The following CADPS variants were observed in gnomAD, a reference collection of about 807,000 sequenced individuals.
CADPS encodes calcium dependent secretion activator, also known as calcium-dependent secretion activator 1.
CADPS carries 57 observed loss-of-function variants against 167.3 expected under a neutral mutation model. The ratio of observed to expected loss-of-function variants is 0.34; its 90% confidence interval spans 0.28 to 0.42. CADPS has a LOEUF of 0.42. Ranked by LOEUF, CADPS falls within the 20% of genes least tolerant of loss-of-function variation. The pLI, the probability that CADPS is intolerant of heterozygous loss-of-function variation, is 1.00. For synonymous variants in CADPS, 676 were observed against 635.3 expected, an observed-to-expected ratio of 1.06 and a Z score of -0.96; for missense variants, 1,414 against 1,738.1, an observed-to-expected ratio of 0.81 and a Z score of 3.32.
chr3:62,577,238 G>T (rs931048392), intron 8 of CADPS, among the ~76,000 whole-genome samples: 3 of 151,974 alleles, frequency 2.0e-5, no homozygotes, highest in African/African-American at 7.3e-5. Flanking sequence ...TCTCTCATAT[G>T]GTATTTGTGA....
rs934769101 is a variant in CADPS at position 62,642,977 on chromosome 3, A to G, written c.1325+2745T>C. 3.9e-5 allele frequency among the ~76,000 whole-genome samples: 6 copies of G among 152,256 alleles called. No homozygotes were observed. The East Asian group carries it at 1.2e-3, about 29-fold the overall frequency. On this transcript the variant is annotated intron_variant, in intron 6 of 29. Transcript: ENST00000383710. Reference sequence around the variant, plus strand: ...CAAAACAAAACCCAAACCTCAAAACAAAACAAAACAAAACCACTTGGAGGT... The same window carrying G: ...CAAAACAAAACCCAAACCTCAAAACGAAACAAAACAAAACCACTTGGAGGT...
At chr3:62,461,873 G>A (rs1560692524) in intron 26 of CADPS, among the ~76,000 whole-genome samples, 1 of 152,186 alleles carries the variant, frequency 6.6e-6, no homozygotes, top group African/African-American at 2.4e-5. Flanking sequence ...AAAGGGCCGA[G>A]AACACACCTT....
In CADPS at chr3:62,481,739, C is replaced by A; in HGVS notation, c.3157G>T (p.Ala1053Ser). 1 of 1,603,160 alleles carries A rather than the reference C, an allele frequency of 6.2e-7. No individual in the cohort carries two copies. The highest frequency in any genetic ancestry group is 8.5e-7 in the Non-Finnish European group (1 of 1,176,884). The change falls in exon 22 of 30, where the codon GCT becomes TCT. Residue 1053 changes from alanine (A) to serine (S), a missense_variant. Coordinates refer to ENST00000383710, the MANE Select transcript of CADPS (RefSeq NM_003716.4). ...AATACACACTCCGCATCATATATAG[C>A]AGCCATCCATGACGGTGCCGAAAAA... ...PTFSAPSWMA[A>S]IYDADNGSGT...
At chr3:62,636,446 C>T (rs9841571) in intron 6 of CADPS, among the ~76,000 whole-genome samples, 7,366 of 152,262 alleles carry the variant, frequency 0.048, 186 homozygotes, top group South Asian at 0.068. Context: ...GGCATGAAAG[C>T]TTCTGAATCC....
At chr3:62,826,048 G>A (rs374361664) in intron 1 of CADPS, among the ~76,000 whole-genome samples, 1 of 152,200 alleles carries the variant, frequency 6.6e-6, no homozygotes, top group Non-Finnish European at 1.5e-5. Context: ...ATGGGCTGCT[G>A]TGCCTGATCC....
intron 13 of CADPS, among the ~76,000 whole-genome samples, chr3:62,530,363 C>T (rs747459339): frequency 6.6e-6 from 1 of 152,098 alleles, no homozygotes; most frequent in African/African-American, 2.4e-5. Flanking sequence ...TAACTAGATG[C>T]CACTAAAAAA....
At chr3:62,508,139 A>G (rs2067017400) in intron 17 of CADPS, among the ~76,000 whole-genome samples, 1 of 152,166 alleles carries the variant, frequency 6.6e-6, no homozygotes, top group South Asian at 2.1e-4. Flanking sequence ...GATGTCATCA[A>G]ATGTCCTACT....
intron 1 of CADPS, among the ~76,000 whole-genome samples, chr3:62,870,256 A>T (rs1560022086): frequency 6.6e-6 from 1 of 151,638 alleles, no homozygotes; most frequent in Non-Finnish European, 1.5e-5. Context: ...AAAAGGTAGA[A>T]TTTTTTTTTA....
chr3:62,746,314 C>A lies in CADPS; in HGVS notation c.888+7127G>T, dbSNP rs1333074528. Among the ~76,000 whole-genome samples, 4 of 152,106 alleles carry A rather than the reference C, an allele frequency of 2.6e-5. No individual in the cohort carries two copies. In the East Asian group the frequency reaches 7.7e-4, roughly 29 times the overall value. On this transcript the variant is annotated intron_variant, in intron 3 of 29. Transcript: ENST00000383710. ...TCTAAAGGGAGACTAACTTCATGGG[C>A]CAGACTTAATCAGGCAATCCATTGA...
rs1187149408 is a variant in CADPS at position 62,433,452 on chromosome 3, C to G, written c.3777+4652G>C. ...AAGAGGCCCTTTCCTGATCTGATAA[C>G]TGCCACGGAGAAGCCAAATGCAGAG... is the stretch of plus-strand genomic sequence containing the variant. On this transcript the variant is annotated intron_variant, in intron 28 of 29. Coordinates refer to ENST00000383710, the MANE Select transcript of CADPS (RefSeq NM_003716.4). This position sits in a 1 kb window ranked among gnomAD's most constrained non-coding sequence, Gnocchi z 4.7. 6.6e-6 allele frequency among the ~76,000 whole-genome samples: 1 copy of G among 152,172 alleles called. No homozygotes were observed. Among genetic ancestry groups the G allele is most frequent in the Admixed American group, 6.5e-5 (1 of 15,272 alleles).
intron 6 of CADPS, among the ~76,000 whole-genome samples, chr3:62,614,903 T>G (rs1374890204): frequency 6.6e-6 from 1 of 152,178 alleles, no homozygotes; most frequent in Non-Finnish European, 1.5e-5. Context: ...AATGGGAACA[T>G]AACATATGTG....
intron 10 of CADPS, among the ~76,000 whole-genome samples, chr3:62,555,928 T>G (rs1183576478): frequency 6.6e-6 from 1 of 152,044 alleles, no homozygotes; most frequent in African/African-American, 2.4e-5. Flanking sequence ...TATTTTTTAA[T>G]TTTTTTGTAT....
chr3:62,805,922 C>T (rs567789791), intron 1 of CADPS, among the ~76,000 whole-genome samples: 1 of 152,224 alleles, frequency 6.6e-6, no homozygotes, highest in East Asian at 1.9e-4. Flanking sequence ...TCTTTTGTGC[C>T]CCAAGCTGTC....
intron 1 of CADPS, among the ~76,000 whole-genome samples, chr3:62,794,244 C>T (rs973139321): frequency 6.6e-6 from 1 of 152,050 alleles, no homozygotes; most frequent in African/African-American, 2.4e-5. Flanking sequence ...GTGTAGAATG[C>T]GGATAACAAC....
At chr3:62,834,220 A>G (rs113467164) in intron 1 of CADPS, among the ~76,000 whole-genome samples, 19 of 152,244 alleles carry the variant, frequency 1.2e-4, no homozygotes, top group Admixed American at 5.9e-4. Context: ...CCAGTTGAGG[A>G]TAATACCCTA....
intron 3 of CADPS, among the ~76,000 whole-genome samples, chr3:62,675,691 T>C (rs77273621): frequency 1.3e-4 from 20 of 152,140 alleles, no homozygotes; most frequent in African/African-American, 3.9e-4. Flanking sequence ...TTACTTCTAA[T>C]GTACCTACAA....
intron 6 of CADPS, among the ~76,000 whole-genome samples, chr3:62,600,571 C>G (rs2059814834): frequency 6.6e-6 from 1 of 152,186 alleles, no homozygotes; most frequent in Non-Finnish European, 1.5e-5. Flanking sequence ...AGATGAGGCT[C>G]TAACTTTCAC....
chr3:62,719,405 C>T (rs2075311927), intron 3 of CADPS, among the ~76,000 whole-genome samples: 1 of 152,178 alleles, frequency 6.6e-6, no homozygotes, highest in Admixed American at 6.5e-5. Flanking sequence ...AGAAAGTACC[C>T]CTGACCCCAC....
chr3:62,547,278 G>C (rs1363570173), intron 11 of CADPS, among the ~76,000 whole-genome samples: 1 of 152,210 alleles, frequency 6.6e-6, no homozygotes, highest in Admixed American at 6.5e-5. Context: ...ACTGTGTACA[G>C]TTGTGCAGAT....
Sources: allele counts gnomAD v4.1 joint callset (sites outside exome capture counted in the v4.1 genomes callset), GRCh38; gene constraint gnomAD v4.1.1; non-coding constraint Gnocchi (gnomAD v3.1); transcripts MANE v1.5; gene names NCBI Gene and HGNC (gene_info 2026-07-23, HGNC 2026-07-21).